The following ENOX2 variants were observed in gnomAD, a reference collection of about 807,000 sequenced individuals.
ENOX2 encodes the protein APK1 antigen.
In ENOX2, 36 loss-of-function variants were observed where a neutral mutation model predicts 45.0. The observed-to-expected ratio is 0.80, with a 90% confidence interval of 0.61 to 1.06. The LOEUF (loss-of-function observed/expected upper bound fraction) is 1.06. Among genes scored for constraint, ENOX2 ranks in the 50% least tolerant of loss-of-function variants. The pLI is 0.00. For synonymous variants in ENOX2, 174 were observed against 152.3 expected (o/e 1.14, Z -1.05); for missense variants, 423 against 462.5 (o/e 0.91, Z 0.78).
intron 2 of ENOX2, among the ~76,000 whole-genome samples, chrX:130,893,112 T>C (rs562210101): frequency 8.9e-6 from 1 of 112,175 alleles, no homozygotes; most frequent in South Asian, 3.7e-4. Context: ...ATAAAGCAAA[T>C]AGGGCAAAAT....
intron 10 of ENOX2, chrX:130,646,210 G>A: frequency 2.1e-6 from 1 of 469,771 alleles, no homozygotes; most frequent in South Asian, 2.7e-5. Flanking sequence ...AGATCACTTG[G>A]AATTGTGCCT....
chrX:130,805,392 TA>T (rs1373381768), intron 2 of ENOX2, among the ~76,000 whole-genome samples: 1 of 111,931 alleles, frequency 8.9e-6, no homozygotes, highest in Non-Finnish European at 1.9e-5. Flanking sequence ...ATTAGAGAAA[TA>T]AATTCCTAGG....
Position 130,766,548 on chromosome X carries a change from T to C in ENOX2, c.-39+16999A>G, listed in dbSNP as rs1219902412. 1.8e-5 allele frequency among the ~76,000 whole-genome samples: 2 copies of C among 112,169 alleles called. 1 individual carries two copies. Among genetic ancestry groups the C allele is most frequent in the Non-Finnish European group, 3.8e-5 (2 of 53,072 alleles). ...ATTTCAAGGTTAGGAAGATATTCTA[T>C]GATATTTTCTATTAAAAGTTTTGGA... On this transcript the variant is annotated intron_variant, in intron 3 of 14. Coordinates refer to ENST00000394363, the MANE Select transcript of ENOX2 (RefSeq NM_006375.4).
In ENOX2 at chrX:130,631,540, C is replaced by T. The variant is rs199536471; in HGVS notation, c.1456G>A (p.Asp486Asn). ...CASRLCASNQ[D>N]SEYPLEKTMN... is the part of the protein sequence containing the mutation. ...GTCTTCTCAAGAGGGTATTCGCTAT[C>T]CTGGTTTGAGGCACACAGCCTAGAA... is the stretch of plus-strand genomic sequence containing the variant. The change falls in exon 13 of 15, where the codon GAT (aspartate) becomes AAT (asparagine). Residue 486 changes from aspartate (D) to asparagine (N), a missense_variant. Physicochemically the swap from Asp to Asn is conservative, Grantham distance 23. Transcript: ENST00000394363. 8.3e-7 allele frequency: 1 copy of T among 1,204,434 alleles called. No individual in the cohort carries two copies.
chrX:130,659,726 A>G (rs987154368), intron 9 of ENOX2, among the ~76,000 whole-genome samples: 2 of 112,445 alleles, frequency 1.8e-5, no homozygotes, highest in African/African-American at 6.5e-5. Context: ...AGCAGAGACC[A>G]ACTCTCAATT....
At position 130,811,328 on chromosome X, in the gene ENOX2, A is replaced by G. The variant is rs2077385350; in HGVS notation, c.-182-27638T>C. On this transcript the variant is annotated intron_variant, in intron 2 of 14. Transcript: ENST00000394363. ...TCAGGCTTTAGGCCAGCCTCCAAGG[A>G]TACAGTTTCCAGTCCTACCCTAATG... is the stretch of plus-strand genomic sequence containing the variant. 2.7e-5 allele frequency among the ~76,000 whole-genome samples: 3 copies of G among 112,225 alleles called. No individual in the cohort carries two copies. In the Admixed American group the frequency reaches 2.8e-4, roughly 11 times the overall value.
intron 3 of ENOX2, among the ~76,000 whole-genome samples, chrX:130,738,390 C>T (rs2038908241): frequency 8.9e-6 from 1 of 112,119 alleles, no homozygotes; most frequent in African/African-American, 3.2e-5. Flanking sequence ...AAATGTATAA[C>T]TTAAATGAAC....
At chrX:130,646,033 GTAAC>G in intron 10 of ENOX2, 1 of 569,865 alleles carries the variant, frequency 1.8e-6, no homozygotes, top group Non-Finnish European at 3.2e-6. Flanking sequence ...AATGGCTGCT[GTAAC>G]GTCAACGTCC....
chrX:130,711,776 G>T (rs1430876655), intron 3 of ENOX2, among the ~76,000 whole-genome samples: 1 of 111,354 alleles, frequency 9.0e-6, no homozygotes, highest in African/African-American at 3.3e-5. Context: ...AAGCTAGAGG[G>T]TCCTGAAGAC....
intron 10 of ENOX2, among the ~76,000 whole-genome samples, chrX:130,640,973 T>C (rs2036064458): frequency 9.0e-6 from 1 of 111,620 alleles, no homozygotes; most frequent in Non-Finnish European, 1.9e-5. Flanking sequence ...CCAAGAACTG[T>C]AGGACCACTA....
intron 2 of ENOX2, among the ~76,000 whole-genome samples, chrX:130,822,359 G>T (rs746273708): frequency 8.9e-6 from 1 of 112,029 alleles, no homozygotes; most frequent in Non-Finnish European, 1.9e-5. Flanking sequence ...TATTTTCCGA[G>T]GCTAGCAATA....
intron 10 of ENOX2, among the ~76,000 whole-genome samples, chrX:130,641,741 A>AAAAAAAAAAAAAAAAAAAAAAAAAAAAAC (rs1569478944): frequency 9.4e-6 from 1 of 106,385 alleles, no homozygotes; most frequent in African/African-American, 3.4e-5. Context: ...AAAAAAAAAA[A>AAAAAAAAAAAAAAAAAAAAAAAAAAAAAC]GAGAGAATTA....
intron 3 of ENOX2, among the ~76,000 whole-genome samples, chrX:130,721,968 TAATA>T (rs1185884095): frequency 8.9e-6 from 1 of 112,172 alleles, no homozygotes; most frequent in Non-Finnish European, 1.9e-5. Context: ...ATTTTAACCC[TAATA>T]ATAATCTAGA....
chrX:130,695,963 T>G (rs1349259797), intron 4 of ENOX2, among the ~76,000 whole-genome samples: 6 of 111,725 alleles, frequency 5.4e-5, no homozygotes, highest in Non-Finnish European at 1.1e-4. Flanking sequence ...TCACCAGCCC[T>G]CTTGGAGGCA....
At chrX:130,697,318 T>C (rs1355492144) in intron 4 of ENOX2, among the ~76,000 whole-genome samples, 3 of 112,227 alleles carry the variant, frequency 2.7e-5, no homozygotes, top group East Asian at 2.8e-4. Context: ...GCTAAAACAA[T>C]ACTTATGTAC....
At chrX:130,684,262 A>G (rs1362938167) in intron 5 of ENOX2, among the ~76,000 whole-genome samples, 1 of 112,320 alleles carries the variant, frequency 8.9e-6, no homozygotes, top group African/African-American at 3.2e-5. Flanking sequence ...ATCTAACACA[A>G]TATTTTTGCT....
chrX:130,712,865 C>A (rs1274542043), intron 3 of ENOX2, among the ~76,000 whole-genome samples: 1 of 111,603 alleles, frequency 9.0e-6, no homozygotes, highest in East Asian at 2.8e-4. Context: ...GCCCCTCAGT[C>A]GAATTCTTTC....
chrX:130,741,083 A>C (rs1461638862), intron 3 of ENOX2, among the ~76,000 whole-genome samples: 1 of 112,096 alleles, frequency 8.9e-6, no homozygotes, highest in Non-Finnish European at 1.9e-5. Context: ...ACATTTGTTA[A>C]GTTTTTTCAT....
chrX:130,778,930 CCTT>C (rs1483698402), intron 3 of ENOX2, among the ~76,000 whole-genome samples: 3 of 112,560 alleles, frequency 2.7e-5, no homozygotes, highest in African/African-American at 9.7e-5. Context: ...AGAGCTGACA[CCTT>C]CTTTGAATAT....
Sources: allele counts gnomAD v4.1 joint callset (sites outside exome capture counted in the v4.1 genomes callset), GRCh38; gene constraint gnomAD v4.1.1; transcripts MANE v1.5; gene names NCBI Gene and HGNC (gene_info 2026-07-23, HGNC 2026-07-21).